MBNL1: variants seen among roughly 807,000 people sequenced by gnomAD.
MBNL1 encodes the protein muscleblind like splicing regulator 1.
MBNL1 carries 8 observed loss-of-function variants against 42.2 expected under a neutral mutation model. The observed-to-expected ratio is 0.19, with a 90% CI of 0.11 to 0.34. The LOEUF is 0.34. Among genes scored for constraint, MBNL1 ranks in the 10% least tolerant of loss-of-function variants. The pLI is 1.00. For missense variants in MBNL1, 309 were observed against 495.3 expected, an observed-to-expected ratio of 0.62 and a Z score of 3.57; for synonymous variants, 169 against 173.9, an observed-to-expected ratio of 0.97 and a Z score of 0.22.
rs1161855293 is a variant in MBNL1 at position 152,462,511 on chromosome 3, T to C, written c.*145T>C. 1 of 152,206 alleles carries C rather than the reference T, an allele frequency of 6.6e-6. No individual in the cohort carries two copies. The highest frequency in any genetic ancestry group is 2.4e-5 in the African/African-American group (1 of 41,458). 9.4% of individuals were successfully genotyped at this position (152,206 alleles called of 1,614,324 possible). A position where few individuals can be genotyped will look rare whatever the true frequency, so the allele number is the denominator to read the frequency against. ...AGCCACAAGACATCCACATATTGCA[T>C]GTTAACCAGAAGAAAAGACAACATT... On this transcript the variant is annotated 3_prime_UTR_variant, in exon 10 of 10. Transcript: ENST00000324210.
At chr3:152,285,723 A>G (rs577804406) in intron 1 of MBNL1, among the ~76,000 whole-genome samples, 115 of 150,924 alleles carry the variant, frequency 7.6e-4, no homozygotes, top group African/African-American at 2.1e-3. Context: ...CCCGGGCTCA[A>G]ACAATCCTCC....
chr3:152,274,851 T>C (rs2044010749), intron 1 of MBNL1, among the ~76,000 whole-genome samples: 1 of 152,198 alleles, frequency 6.6e-6, no homozygotes, highest in Admixed American at 6.5e-5. Context: ...AGTTACAAAC[T>C]GTTGGTACTA....
At chr3:152,408,660 G>A (rs1163346442) in intron 2 of MBNL1, among the ~76,000 whole-genome samples, 1 of 151,550 alleles carries the variant, frequency 6.6e-6, no homozygotes, top group Non-Finnish European at 1.5e-5. Context: ...GGTATAACTG[G>A]TATTTTGTTA....
chr3:152,339,543 A>C (rs1212970038), intron 2 of MBNL1, among the ~76,000 whole-genome samples: 2 of 151,976 alleles, frequency 1.3e-5, no homozygotes, highest in Non-Finnish European at 2.9e-5. Flanking sequence ...CACCTCTTCT[A>C]ATATGAGATC....
At chr3:152,332,334 T>G (rs1468808183) in intron 2 of MBNL1, among the ~76,000 whole-genome samples, 2 of 152,202 alleles carry the variant, frequency 1.3e-5, no homozygotes, top group African/African-American at 4.8e-5. Flanking sequence ...AATTCAGTGT[T>G]AAAGTTGGAG....
chr3:152,441,788 T>A (rs2099148762), intron 4 of MBNL1, among the ~76,000 whole-genome samples: 1 of 152,178 alleles, frequency 6.6e-6, no homozygotes, highest in African/African-American at 2.4e-5. Flanking sequence ...AAACCATTTA[T>A]CAAACAATAT....
chr3:152,257,905 T>C (rs962897883), intron 2 of MBNL1, among the ~76,000 whole-genome samples: 3 of 152,224 alleles, frequency 2.0e-5, no homozygotes, highest in Non-Finnish European at 2.9e-5. Flanking sequence ...TTCATTTGAC[T>C]TGTCTTTCTC....
chr3:152,446,871 T>A, intron 5 of MBNL1: 1 of 871,782 alleles, frequency 1.1e-6, no homozygotes, highest in Non-Finnish European at 1.7e-6. Flanking sequence ...AGTTGTAAAG[T>A]ACAATGAAAA....
intron 2 of MBNL1, among the ~76,000 whole-genome samples, chr3:152,342,595 AAAC>A (rs2093537257): frequency 8.5e-6 from 1 of 118,338 alleles, no homozygotes; most frequent in African/African-American, 3.6e-5. Flanking sequence ...CACTTTCCAC[AAAC>A]AACAGGACCT....
At chr3:152,373,229 C>T (rs1231223561) in intron 2 of MBNL1, among the ~76,000 whole-genome samples, 4 of 151,064 alleles carry the variant, frequency 2.6e-5, no homozygotes, top group Non-Finnish European at 5.9e-5. Flanking sequence ...TTTTAGCTTG[C>T]TGGGCTCTGT....
chr3:152,335,982 A>T (rs1271234695), intron 2 of MBNL1, among the ~76,000 whole-genome samples: 1 of 152,136 alleles, frequency 6.6e-6, no homozygotes, highest in African/African-American at 2.4e-5. Flanking sequence ...CACATGTGGC[A>T]CTACCGGACA....
At chr3:152,406,116 T>C (rs939698062) in intron 2 of MBNL1, among the ~76,000 whole-genome samples, 3 of 152,134 alleles carry the variant, frequency 2.0e-5, no homozygotes, top group Non-Finnish European at 1.5e-5. Context: ...CTGGTTTGGC[T>C]CAGGGATGGT....
chr3:152,281,103 T>C (rs2048185960), intron 1 of MBNL1, among the ~76,000 whole-genome samples: 1 of 152,146 alleles, frequency 6.6e-6, no homozygotes, highest in South Asian at 2.1e-4. Flanking sequence ...ACTTTCTTCG[T>C]AGGAACTTAT....
intron 4 of MBNL1, among the ~76,000 whole-genome samples, chr3:152,433,836 A>C (rs1198143487): frequency 6.6e-6 from 1 of 152,140 alleles, no homozygotes; most frequent in Non-Finnish European, 1.5e-5. Context: ...CTGTTGGTAC[A>C]TGAAAAAGAT....
intron 2 of MBNL1, among the ~76,000 whole-genome samples, chr3:152,345,461 A>G (rs893651123): frequency 6.6e-6 from 1 of 152,158 alleles, no homozygotes; most frequent in Non-Finnish European, 1.5e-5. Context: ...AGTGTTTGGT[A>G]ATCATCACCA....
intron 2 of MBNL1, among the ~76,000 whole-genome samples, chr3:152,404,557 CA>C (rs2098366396): frequency 6.6e-6 from 1 of 151,812 alleles, no homozygotes; most frequent in Non-Finnish European, 1.5e-5. Flanking sequence ...CTGACTTAAC[CA>C]AAATGTTTTT....
At chr3:152,325,051 ACTT>A (rs2078705608) in intron 2 of MBNL1, among the ~76,000 whole-genome samples, 2 of 105,352 alleles carry the variant, frequency 1.9e-5, no homozygotes, top group South Asian at 6.3e-4. Flanking sequence ...GTGGCAAATG[ACTT>A]CTTTTGATGT....
chr3:152,245,221 C>T (rs889032443), intron 2 of MBNL1, among the ~76,000 whole-genome samples: 8 of 152,154 alleles, frequency 5.3e-5, no homozygotes, highest in African/African-American at 1.4e-4. Context: ...TTCAAATTTG[C>T]ACTAATCCAG....
At position 152,299,962 on chromosome 3, in the gene MBNL1, C is replaced by G. The variant is rs1006947719; in HGVS notation, c.-232C>G. On this transcript the variant is annotated 5_prime_UTR_variant, in exon 2 of 10. Coordinates refer to ENST00000324210, the MANE Select transcript of MBNL1 (RefSeq NM_021038.5). Reference sequence around the variant, plus strand: ...ACAATCCTAGTATTTCTCTAAAAACCAAAACCTCTTTGAATTAACAGTTTC... The same window carrying G: ...ACAATCCTAGTATTTCTCTAAAAACGAAAACCTCTTTGAATTAACAGTTTC... The G allele has an allele frequency of 4.1e-6, 2 of 487,318 alleles. No individual in the cohort carries two copies. Among genetic ancestry groups the G allele is most frequent in the Non-Finnish European group, 7.2e-6 (2 of 278,372 alleles). 30.2% of individuals were successfully genotyped at this position (487,318 alleles called of 1,614,324 possible).
Sources: gnomAD v4.1 joint callset for allele counts (sites outside exome capture counted in the v4.1 genomes callset) on GRCh38, gnomAD v4.1.1 for gene constraint, MANE v1.5 for transcripts, NCBI Gene and HGNC (gene_info 2026-07-23, HGNC 2026-07-21) for gene names.